RTN4: variants seen among roughly 807,000 people sequenced by gnomAD.
RTN4 encodes reticulon-4.
RTN4 carries 32 observed loss-of-function variants against 90.4 expected under a neutral mutation model. The ratio of observed to expected loss-of-function variants is 0.35; its 90% CI spans 0.27 to 0.48. RTN4 has a LOEUF of 0.48. Ranked by LOEUF, RTN4 falls within the 20% of genes least tolerant of loss-of-function variation. RTN4 has a pLI of 0.99. For missense variants in RTN4, 1,706 were observed against 1,430.2 expected (o/e 1.19, Z -3.11); for synonymous variants, 629 against 552.5 (o/e 1.14, Z -1.94).
upstream of RTN4, among the ~76,000 whole-genome samples, chr2:55,113,426 C>A (rs1456446307): frequency 6.6e-6 from 1 of 152,174 alleles, no homozygotes. Flanking sequence ...ACTATGACTA[C>A]CTCCCACTCA....
intron 1 of RTN4, among the ~76,000 whole-genome samples, chr2:55,097,556 A>G (rs760360555): frequency 3.3e-5 from 5 of 152,154 alleles, no homozygotes; most frequent in Non-Finnish European, 5.9e-5. Flanking sequence ...CCAAGGAGAC[A>G]GCAGTGGGGG....
intron 3 of RTN4, among the ~76,000 whole-genome samples, chr2:55,021,424 C>T (rs1251565934): frequency 6.6e-6 from 1 of 151,274 alleles, no homozygotes; most frequent in Non-Finnish European, 1.5e-5. Context: ...TCATATAGTG[C>T]CTGATAGAAG....
At chr2:55,135,456 C>G in the RTN4 span, among the ~76,000 whole-genome samples, 1 of 152,200 alleles carries the variant, frequency 6.6e-6, no homozygotes, top group Non-Finnish European at 1.5e-5. Context: ...ATCTGCCCAC[C>G]TCAGCCTCCC....
chr2:55,058,092 C>A (rs1668221618), intron 2 of RTN4, among the ~76,000 whole-genome samples: 1 of 152,024 alleles, frequency 6.6e-6, no homozygotes, highest in Non-Finnish European at 1.5e-5. Context: ...ATTTGAGGGA[C>A]TTTAAAAACT....
intron 1 of RTN4, among the ~76,000 whole-genome samples, chr2:55,099,108 G>A (rs1667805455): frequency 6.6e-6 from 1 of 151,990 alleles, no homozygotes; most frequent in Non-Finnish European, 1.5e-5. Context: ...CTCCTTTGTT[G>A]TTTAGTGGCT....
chr2:54,984,142 T>C (rs1473111069), intron 4 of RTN4, among the ~76,000 whole-genome samples: 1 of 152,204 alleles, frequency 6.6e-6, no homozygotes, highest in Non-Finnish European at 1.5e-5. Context: ...ATCTCACCCA[T>C]ACATAGAGCC....
At chr2:55,126,110 T>C in the RTN4 span, among the ~76,000 whole-genome samples, 1 of 141,106 alleles carries the variant, frequency 7.1e-6, no homozygotes, top group Non-Finnish European at 1.5e-5. Context: ...ATGCCTGTAA[T>C]CCCAGCACTT....
At chr2:55,031,235 A>T (rs1387285124) in intron 1 of RTN4, among the ~76,000 whole-genome samples, 2 of 152,222 alleles carry the variant, frequency 1.3e-5, no homozygotes, top group Non-Finnish European at 2.9e-5. Flanking sequence ...GACACTGGAC[A>T]AGAGGCAGGA....
At chr2:54,993,169 G>T (rs1679161617) in intron 3 of RTN4, among the ~76,000 whole-genome samples, 1 of 151,972 alleles carries the variant, frequency 6.6e-6, no homozygotes, top group Admixed American at 6.6e-5. Flanking sequence ...TGCATAACGG[G>T]ATTATCAATG....
intron 1 of RTN4, among the ~76,000 whole-genome samples, chr2:55,033,565 T>C (rs1682477373): frequency 6.6e-6 from 1 of 152,196 alleles, no homozygotes; most frequent in African/African-American, 2.4e-5. Context: ...CTGTTTCATA[T>C]GGCCCTTAAG....
At chr2:55,031,960 C>T (rs963234878) in intron 1 of RTN4, among the ~76,000 whole-genome samples, 1 of 152,160 alleles carries the variant, frequency 6.6e-6, no homozygotes, top group Non-Finnish European at 1.5e-5. Context: ...AAAGTTAAAA[C>T]CACCAAATCC....
Position 55,050,442 on chromosome 2 carries a change from C to A in RTN4, c.-142G>T. 1 of 450,334 alleles carries A rather than the reference C, an allele frequency of 2.2e-6. No homozygotes were observed. Among genetic ancestry groups the A allele is most frequent in the Non-Finnish European group, 3.8e-6 (1 of 263,974 alleles). The allele number at this position is 450,334 out of a possible 1,614,324, so 27.9% of individuals were successfully genotyped here. ...GAGGGACCTACTGTGGTGACGGCTC[C>A]CGGAACAATGAGACTGCTCCTCCTG... On this transcript the variant is annotated 5_prime_UTR_variant, in exon 1 of 9. Coordinates refer to ENST00000337526, the MANE Select transcript of RTN4 (RefSeq NM_020532.5). This position sits in a 1 kb window ranked among gnomAD's most constrained non-coding sequence, Gnocchi z 4.6.
chr2:55,028,508 A>C (rs1314376370), intron 1 of RTN4, among the ~76,000 whole-genome samples: 2 of 152,224 alleles, frequency 1.3e-5, no homozygotes, highest in Admixed American at 6.5e-5. Context: ...TGGCTTTAAA[A>C]TACTGTTCTA....
chr2:55,081,862 CAAAAAAA>C (rs71410421), intron 1 of RTN4, among the ~76,000 whole-genome samples: 1 of 105,442 alleles, frequency 9.5e-6, no homozygotes, highest in Non-Finnish European at 1.8e-5. Context: ...GACCCTGTCT[CAAAAAAA>C]AAAAAAAAAA....
the RTN4 span, among the ~76,000 whole-genome samples, chr2:55,134,556 G>C: frequency 1.3e-5 from 2 of 152,192 alleles, no homozygotes; most frequent in Non-Finnish European, 2.9e-5. Context: ...AGTCAATAAA[G>C]TGCAGTTTGC....
chr2:55,009,602 T>C (rs772017574), intron 3 of RTN4, among the ~76,000 whole-genome samples: 11 of 152,114 alleles, frequency 7.2e-5, no homozygotes, highest in Non-Finnish European at 7.4e-5. Context: ...TAAAAGAAAG[T>C]TGGTAATAAT....
intron 5 of RTN4, among the ~76,000 whole-genome samples, chr2:54,976,436 G>A (rs1677640479): frequency 6.6e-6 from 1 of 152,318 alleles, no homozygotes; most frequent in South Asian, 2.1e-4. Context: ...GTGAGAGGCT[G>A]GGAGAGAACT....
At chr2:55,090,209 C>G (rs575091230) in intron 1 of RTN4, among the ~76,000 whole-genome samples, 1 of 152,116 alleles carries the variant, frequency 6.6e-6, no homozygotes, top group South Asian at 2.1e-4. Flanking sequence ...CCAGTATCTG[C>G]GAATAGGAGG....
chr2:55,031,735 G>A (rs974255180), intron 1 of RTN4, among the ~76,000 whole-genome samples: 6 of 152,100 alleles, frequency 3.9e-5, no homozygotes, highest in Non-Finnish European at 5.9e-5. Flanking sequence ...ACACAGCCAC[G>A]CCCATTCACT....
Sources: allele counts gnomAD v4.1 joint callset (sites outside exome capture counted in the v4.1 genomes callset), GRCh38; gene constraint gnomAD v4.1.1; non-coding constraint Gnocchi (gnomAD v3.1); transcripts MANE v1.5; gene names NCBI Gene and HGNC (gene_info 2026-07-23, HGNC 2026-07-21).